The following ADGRL2 variants were observed in gnomAD, a reference collection of about 807,000 sequenced individuals.
ADGRL2 encodes calcium-independent alpha-latrotoxin receptor 2.
Under a neutral mutation model 157.4 loss-of-function variants are expected in ADGRL2, and 44 were observed. The observed-to-expected ratio is 0.28, with a 90% confidence interval of 0.22 to 0.36. The LOEUF is 0.36. Ranked by LOEUF, ADGRL2 falls within the 10% of genes least tolerant of loss-of-function variation. The probability of loss-of-function intolerance (pLI) is 1.00; values close to 1 mark genes in which losing one functional copy is unlikely to be tolerated. For synonymous variants in ADGRL2, 585 were observed against 624.7 expected, an observed-to-expected ratio of 0.94 and a Z score of 0.95; for missense variants, 1,510 against 1,768.9, an observed-to-expected ratio of 0.85 and a Z score of 2.63.
chr1:81,875,657 T>G (rs1314790789), intron 2 of ADGRL2, among the ~76,000 whole-genome samples: 2 of 152,168 alleles, frequency 1.3e-5, no homozygotes, highest in African/African-American at 4.8e-5. Flanking sequence ...TCTTCTTACA[T>G]GTCCATAATG....
intron 2 of ADGRL2, among the ~76,000 whole-genome samples, chr1:81,771,269 AATGTTTTCCCTAC>A (rs1246529593): frequency 6.6e-6 from 1 of 152,094 alleles, no homozygotes; most frequent in African/African-American, 2.4e-5. Context: ...AATTTTATCA[AATGTTTTCCCTAC>A]ATTGATTTAG....
chr1:81,821,767 A>G (rs2091007412), intron 1 of ADGRL2, among the ~76,000 whole-genome samples: 1 of 152,208 alleles, frequency 6.6e-6, no homozygotes, highest in Non-Finnish European at 1.5e-5. Context: ...AAAGAAACAT[A>G]TACTATTTAC....
intron 3 of ADGRL2, among the ~76,000 whole-genome samples, chr1:81,662,875 CT>C (rs34121868): frequency 1.3e-5 from 2 of 152,180 alleles, no homozygotes; most frequent in East Asian, 1.9e-4. Flanking sequence ...TTTTTAACTA[CT>C]TTTTTTGTGC....
chr1:81,903,812 T>TAC (rs66880348), intron 2 of ADGRL2, among the ~76,000 whole-genome samples: 38 of 120,510 alleles, frequency 3.2e-4, no homozygotes, highest in Admixed American at 5.6e-4. Context: ...ACATTTTATA[T>TAC]ACACACACAC....
chr1:81,800,173 C>A (rs1316033186), upstream of ADGRL2, among the ~76,000 whole-genome samples: 1 of 152,172 alleles, frequency 6.6e-6, no homozygotes, highest in Non-Finnish European at 1.5e-5. Flanking sequence ...CCTTTCCTTC[C>A]TTTGCTTATC....
intron 2 of ADGRL2, among the ~76,000 whole-genome samples, chr1:81,767,537 T>A (rs369594424): frequency 2.0e-5 from 3 of 152,088 alleles, no homozygotes; most frequent in Admixed American, 2.0e-4. Flanking sequence ...AAAATGTTAA[T>A]AGGATGAGGT....
chr1:81,776,600 C>T (rs1341456847), intron 2 of ADGRL2, among the ~76,000 whole-genome samples: 4 of 152,186 alleles, frequency 2.6e-5, no homozygotes, highest in Admixed American at 6.5e-5. Flanking sequence ...CCACTCTTAA[C>T]ATTGTAATAA....
At chr1:81,616,464 A>G (rs1178404693) in intron 3 of ADGRL2, among the ~76,000 whole-genome samples, 1 of 152,128 alleles carries the variant, frequency 6.6e-6, no homozygotes, top group Admixed American at 6.5e-5. Context: ...CTGAGCCTTC[A>G]CATTCAACTC....
Position 81,706,222 on chromosome 1 carries a change from C to T in ADGRL2, c.-143+6414C>T, listed in dbSNP as rs570263033. The stretch of plus-strand genomic sequence containing the variant: ...CAAAAAATAATAATAAAAATAAAAA[C>T]AAAAAAATAAAAAAATTTTTTTAAA... On this transcript the variant is annotated intron_variant, in intron 1 of 20. Transcript: ENST00000359929. Among the ~76,000 whole-genome samples the T allele has an allele frequency of 6.8e-4, 90 of 132,334 alleles. 1 individual carries two copies. Among genetic ancestry groups the T allele is most frequent in the Admixed American group, 3.6e-3 (45 of 12,444 alleles). 86.8% of individuals were successfully genotyped at this position (132,334 alleles called of 152,430 possible). A position where few individuals can be genotyped will look rare whatever the true frequency, so the allele number is the denominator to read the frequency against.
intron 3 of ADGRL2, among the ~76,000 whole-genome samples, chr1:81,617,159 G>T (rs891637638): frequency 4.6e-5 from 7 of 152,350 alleles, no homozygotes; most frequent in African/African-American, 1.7e-4. Context: ...ACTTCTATGA[G>T]CCGGCATTGC....
At chr1:81,487,577 G>A (rs896235981) in intron 2 of ADGRL2, among the ~76,000 whole-genome samples, 3 of 152,184 alleles carry the variant, frequency 2.0e-5, no homozygotes, top group Admixed American at 1.3e-4. Flanking sequence ...CCCAGGAAGC[G>A]GAGGTTGCAG....
chr1:81,750,550 C>G (rs1460823833), intron 1 of ADGRL2, among the ~76,000 whole-genome samples: 4 of 152,054 alleles, frequency 2.6e-5, no homozygotes, highest in Non-Finnish European at 5.9e-5. Context: ...AACCCCATCT[C>G]TACTAAAAAT....
intron 1 of ADGRL2, among the ~76,000 whole-genome samples, chr1:81,828,859 G>A (rs1358464823): frequency 2.0e-5 from 3 of 151,706 alleles, no homozygotes; most frequent in Non-Finnish European, 4.4e-5. Flanking sequence ...TTTCTTAATA[G>A]GTGTGTCCAT....
At chr1:81,870,826 T>C (rs1334891683) in intron 2 of ADGRL2, among the ~76,000 whole-genome samples, 1 of 152,104 alleles carries the variant, frequency 6.6e-6, no homozygotes, top group East Asian at 1.9e-4. Context: ...TTTTAGTGTT[T>C]ATAGTGGTTG....
intron 1 of ADGRL2, among the ~76,000 whole-genome samples, chr1:81,425,014 T>G (rs965427183): frequency 3.9e-5 from 6 of 152,240 alleles, no homozygotes; most frequent in African/African-American, 1.4e-4. Flanking sequence ...TGTGAAAGTC[T>G]AATACTCTGT....
At chr1:81,747,559 C>T (rs1220920415) in intron 1 of ADGRL2, among the ~76,000 whole-genome samples, 1 of 152,088 alleles carries the variant, frequency 6.6e-6, no homozygotes, top group Non-Finnish European at 1.5e-5. Flanking sequence ...GCCTCGGCCT[C>T]CCAAAGTGCT....
At chr1:81,661,252 A>G (rs866529377) in intron 3 of ADGRL2, among the ~76,000 whole-genome samples, 3 of 152,188 alleles carry the variant, frequency 2.0e-5, no homozygotes, top group African/African-American at 4.8e-5. Context: ...CTTTGTAACA[A>G]TGAGAAAATG....
intron 2 of ADGRL2, among the ~76,000 whole-genome samples, chr1:81,459,829 TATAC>T (rs769576727): frequency 1.5e-4 from 22 of 148,244 alleles, no homozygotes; most frequent in East Asian, 3.9e-4. Context: ...TATATATATA[TATAC>T]ACACACACAC....
intron 3 of ADGRL2, among the ~76,000 whole-genome samples, chr1:81,651,418 C>T (rs964564746): frequency 1.3e-5 from 2 of 152,152 alleles, no homozygotes; most frequent in African/African-American, 4.8e-5. Context: ...AAATACTACG[C>T]TGGTTGATAA....
Sources: allele counts gnomAD v4.1 joint callset (sites outside exome capture counted in the v4.1 genomes callset), GRCh38; gene constraint gnomAD v4.1.1; transcripts MANE v1.5; gene names NCBI Gene and HGNC (gene_info 2026-07-23, HGNC 2026-07-21).